FRY: variants seen among roughly 807,000 people sequenced by gnomAD.
FRY encodes the protein protein furry homolog.
FRY carries 128 observed loss-of-function variants against 348.4 expected under a neutral mutation model. That is an observed-to-expected ratio of 0.37 (90% CI 0.32 to 0.43). The LOEUF is 0.43. FRY is among the 20% of genes least tolerant of loss of function. The pLI is 1.00. For missense variants in FRY, 2,736 were observed against 3,695.2 expected (o/e 0.74, Z 6.73); for synonymous variants, 1,370 against 1,374.7 (o/e 1.00, Z 0.08).
At chr13:32,241,230 A>G (rs919977855) in intron 46 of FRY, among the ~76,000 whole-genome samples, 1 of 152,218 alleles carries the variant, frequency 6.6e-6, no homozygotes, top group Non-Finnish European at 1.5e-5. Flanking sequence ...TGAAGTGTAG[A>G]TAGCAAGGAG....
intron 22 of FRY, among the ~76,000 whole-genome samples, chr13:32,179,448 T>G (rs537158363): frequency 6.6e-6 from 1 of 151,822 alleles, no homozygotes; most frequent in African/African-American, 2.4e-5. Context: ...ATAAAAAAAA[T>G]TTCTTTAGAA....
At chr13:32,293,589 A>T (rs1889483874) in intron 59 of FRY, among the ~76,000 whole-genome samples, 1 of 152,226 alleles carries the variant, frequency 6.6e-6, no homozygotes, top group African/African-American at 2.4e-5. Flanking sequence ...TTGAGATCAA[A>T]TTGCAAAACA....
intron 25 of FRY, 22 bp downstream of exon 25, chr13:32,184,713 G>T: frequency 1.5e-6 from 2 of 1,330,156 alleles, no homozygotes; most frequent in Non-Finnish European, 2.2e-6. Context: ...ATTCTACCGA[G>T]TTGCTCTCTT....
At chr13:32,073,147 A>G (rs941412195) in intron 1 of FRY, among the ~76,000 whole-genome samples, 2 of 152,232 alleles carry the variant, frequency 1.3e-5, no homozygotes, top group African/African-American at 4.8e-5. Context: ...AAGTTGGTGA[A>G]AAAGCAGGCC....
rs780720352 is a variant in FRY, at chr13:32,171,041, G to A, written c.1922G>A (p.Arg641Gln). ...TCTATTCATATGGATGATGAATTGC[G>A]ACATATTGCACAAAATTCTCTTCAG... ...RLSIHMDDEL[R>Q]HIAQNSLQGL... Residue 641 changes from arginine to glutamine, a missense_variant, in exon 18 of 61, where the codon CGA becomes CAA. Arg to Gln is a conservative substitution (Grantham distance 43, BLOSUM62 1). Transcript: ENST00000542859. 2.5e-6 allele frequency: 4 copies of A among 1,610,000 alleles called. No individual in the cohort carries two copies. Among genetic ancestry groups the A allele is most frequent in the Admixed American group, 1.7e-5 (1 of 59,994 alleles).
In FRY at chr13:32,225,115, A is replaced by G. The variant is rs185050058; in HGVS notation, c.5020+79A>G. 3 of 843,308 alleles carry G rather than the reference A, an allele frequency of 3.6e-6. No homozygotes were observed. In the South Asian group the frequency reaches 4.0e-5, roughly 11 times the overall value. 52.2% of individuals were successfully genotyped at this position (843,308 alleles called of 1,614,324 possible). A position where few individuals can be genotyped will look rare whatever the true frequency, so the allele number is the denominator to read the frequency against. The stretch of plus-strand genomic sequence containing the variant: ...GTAATCCGTAGAGATTTCCTTTCAC[A>G]TTGACATCCTGTTTGACTCATTTCG... On this transcript the variant is annotated intron_variant, in intron 38 of 60. Coordinates refer to ENST00000542859, the MANE Select transcript of FRY (RefSeq NM_023037.3).
intron 1 of FRY, among the ~76,000 whole-genome samples, chr13:32,074,426 A>G (rs1312239128): frequency 1.3e-5 from 2 of 152,204 alleles, no homozygotes; most frequent in African/African-American, 4.8e-5. Context: ...TAATTAATAT[A>G]TAAAAGTAAT....
chr13:32,077,900 A>C (rs1875194745), intron 1 of FRY, among the ~76,000 whole-genome samples: 1 of 152,110 alleles, frequency 6.6e-6, no homozygotes. Context: ...TCCTGTTCTC[A>C]GCATTCCCAA....
chr13:32,133,768 C>CTTTTTTTTTTTTTTT (rs34413710), intron 8 of FRY, among the ~76,000 whole-genome samples: 65 of 89,286 alleles, frequency 7.3e-4, no homozygotes, highest in East Asian at 2.6e-3. Flanking sequence ...TTCTTTCTTT[C>CTTTTTTTTTTTTTTT]TTTTTTTTTT....
rs181004817 is a variant in FRY at position 32,121,265 on chromosome 13, C to A, written c.465-3021C>A. 1.5e-3 allele frequency among the ~76,000 whole-genome samples: 230 copies of A among 152,246 alleles called. 1 individual carries two copies. Among genetic ancestry groups the A allele is most frequent in the Non-Finnish European group, 3.4e-4 (23 of 68,010 alleles). On this transcript the variant is annotated intron_variant, in intron 4 of 60. Transcript: ENST00000542859. Reference sequence around the variant, plus strand: ...AAGTATCTTTTTCGAATAATGACTTCTTTTCCTCTGGGTAGATACCCAGTA... The same window carrying A: ...AAGTATCTTTTTCGAATAATGACTTATTTTCCTCTGGGTAGATACCCAGTA...
At position 32,238,246 on chromosome 13, in the gene FRY, A is replaced by G. The variant is rs954730421; in HGVS notation, c.6418+260A>G. 3.3e-5 allele frequency among the ~76,000 whole-genome samples: 5 copies of G among 152,292 alleles called. No homozygotes were observed. The South Asian group carries it at 8.3e-4, about 25-fold the overall frequency. On this transcript the variant is annotated intron_variant, in intron 44 of 60. Transcript: ENST00000542859. The stretch of plus-strand genomic sequence containing the variant: ...TAGCGATTTCTTTTTAGCTTTCCAG[A>G]TCAAACTGCAGGTGCTGTTAGTTTA...
rs1410364312 is a variant in FRY, at chr13:32,124,880, G to C, written c.716+5G>C. ...TGGAGTGTTGGCACAAGCCAAGTAA[G>C]TGAATGCCAGAACCCTTTACCATGA... On this transcript the variant is annotated splice_donor_5th_base_variant and intron_variant, in intron 7 of 60. Coordinates refer to ENST00000542859, the MANE Select transcript of FRY (RefSeq NM_023037.3). 1 of 1,592,828 alleles carries C rather than the reference G, an allele frequency of 6.3e-7. No individual in the cohort carries two copies. The highest frequency in any genetic ancestry group is 8.6e-7 in the Non-Finnish European group (1 of 1,160,664).
At chr13:32,257,506 T>A (rs2806635) in intron 51 of FRY, among the ~76,000 whole-genome samples, 45,424 of 152,126 alleles carry the variant, frequency 0.3, 7,397 homozygotes, top group Middle Eastern at 0.45. Context: ...TAATTGCATA[T>A]GAACAGTAAG....
At chr13:32,146,763 T>C (rs1880484239) in intron 11 of FRY, among the ~76,000 whole-genome samples, 1 of 152,204 alleles carries the variant, frequency 6.6e-6, no homozygotes, top group African/African-American at 2.4e-5. Context: ...CCCCCATAGA[T>C]TGTGAACATC....
chr13:32,263,480 A>G (rs1018935584), intron 53 of FRY, among the ~76,000 whole-genome samples: 2 of 152,184 alleles, frequency 1.3e-5, no homozygotes, highest in African/African-American at 4.8e-5. Context: ...TTGCAAAGGT[A>G]CTACAATCAG....
chr13:32,267,217 T>G lies in FRY; in HGVS notation c.7994T>G (p.Phe2665Cys), dbSNP rs1224600353. The G allele has an allele frequency of 1.9e-6, 3 of 1,614,200 alleles. No individual in the cohort carries two copies. The highest frequency in any genetic ancestry group is 1.7e-5 in the Admixed American group (1 of 60,030). Residue 2665 changes from phenylalanine to cysteine, a missense_variant, in exon 55 of 61, where the codon TTC becomes TGC. By Grantham distance (205) the Phe-to-Cys change is radical (BLOSUM62 -2). Around this residue, in one of 9 missense-constraint regions of FRY, gnomAD observed 789 missense variants for 996.2 expected, o/e 0.79. Transcript: ENST00000542859. Reference sequence around the variant, plus strand: ...GTCTCTCCCCCTCCCTCGCCCTTCTTCTCAGCCATCCTTGCCGCCTTTCAG... The same window carrying G: ...GTCTCTCCCCCTCCCTCGCCCTTCTGCTCAGCCATCCTTGCCGCCTTTCAG... ...RGVSPPPSPFFSAILAAFQPA... is the reference protein window; with the variant it reads ...RGVSPPPSPFCSAILAAFQPA...
intron 53 of FRY, 123 bp from the exon 54 acceptor site, chr13:32,265,327 C>A (rs907425376): frequency 7.6e-6 from 7 of 926,926 alleles, no homozygotes; most frequent in Non-Finnish European, 1.2e-5. Context: ...AGCTAGAAAA[C>A]AAATGTCCCC....
chr13:32,093,221 A>G (rs1234345648), intron 2 of FRY, among the ~76,000 whole-genome samples: 1 of 152,202 alleles, frequency 6.6e-6, no homozygotes, highest in Non-Finnish European at 1.5e-5. Context: ...TACTATTACT[A>G]CATCTAAAAA....
intron 20 of FRY, among the ~76,000 whole-genome samples, chr13:32,176,871 G>A (rs1882390717): frequency 6.6e-6 from 1 of 152,190 alleles, no homozygotes; most frequent in Non-Finnish European, 1.5e-5. Context: ...AAGATTTGGT[G>A]AGATCAGCAT....
Sources: allele counts gnomAD v4.1 joint callset (sites outside exome capture counted in the v4.1 genomes callset), GRCh38; gene constraint gnomAD v4.1.1; regional missense constraint gnomAD v4.1.1; transcripts MANE v1.5; gene names NCBI Gene and HGNC (gene_info 2026-07-23, HGNC 2026-07-21).